COL4A2: variants seen among roughly 807,000 people sequenced by gnomAD.
COL4A2 encodes collagen type IV alpha 2 chain.
In COL4A2, 99 loss-of-function variants were observed where a neutral mutation model predicts 200.2. The observed-to-expected ratio is 0.49, with a 90% confidence interval of 0.42 to 0.58. The LOEUF (loss-of-function observed/expected upper bound fraction) is 0.58. COL4A2 is among the 20% of genes least tolerant of loss of function. The probability of loss-of-function intolerance (pLI) is 0.00; values close to 1 mark genes in which losing one functional copy is unlikely to be tolerated. For missense variants in COL4A2, 1,950 were observed against 2,314.1 expected (o/e 0.84, Z 3.23); for synonymous variants, 897 against 900.6 (o/e 1.00, Z 0.07).
chr13:110,358,170 C>A (rs540452930), intron 4 of COL4A2, among the ~76,000 whole-genome samples: 3 of 152,042 alleles, frequency 2.0e-5, no homozygotes, highest in African/African-American at 7.2e-5. Context: ...TCTTTTTCTA[C>A]GTTTTTATTC....
chr13:110,355,619 A>G (rs1055297755), intron 3 of COL4A2, among the ~76,000 whole-genome samples: 4 of 28,466 alleles, frequency 1.4e-4, no homozygotes, highest in African/African-American at 3.5e-4. Context: ...TGTGTGGGGG[A>G]GGGCTGCACT....
chr13:110,454,065 G>T (rs1049568582), intron 20 of COL4A2, among the ~76,000 whole-genome samples: 1 of 152,146 alleles, frequency 6.6e-6, no homozygotes, highest in Non-Finnish European at 1.5e-5. Flanking sequence ...ATCAAACCAC[G>T]AAGACAGTTT....
At chr13:110,461,489 G>T (rs1421758174) in intron 22 of COL4A2, among the ~76,000 whole-genome samples, 2 of 152,228 alleles carry the variant, frequency 1.3e-5, no homozygotes, top group Non-Finnish European at 2.9e-5. Context: ...ACCACCTGTG[G>T]CTACTTCCAC....
At chr13:110,413,148 A>G (rs1449334197) in intron 4 of COL4A2, among the ~76,000 whole-genome samples, 2 of 152,180 alleles carry the variant, frequency 1.3e-5, no homozygotes, top group East Asian at 3.9e-4. Context: ...GAAATTGGGA[A>G]GTCATTATAA....
chr13:110,347,351 T>A (rs1047195419), intron 3 of COL4A2, among the ~76,000 whole-genome samples: 3 of 152,152 alleles, frequency 2.0e-5, no homozygotes, highest in African/African-American at 7.2e-5. Context: ...GGGGGCTGAG[T>A]TACATCACCA....
intron 47 of COL4A2, among the ~76,000 whole-genome samples, chr13:110,510,743 C>G (rs1316995510): frequency 6.6e-6 from 1 of 152,232 alleles, no homozygotes; most frequent in Non-Finnish European, 1.5e-5. Flanking sequence ...CTGGTGCCAG[C>G]CTCTAAGACT....
chr13:110,457,491 A>G (rs1881812183), intron 21 of COL4A2, 56 bp downstream of exon 21: 1 of 1,023,362 alleles, frequency 9.8e-7, no homozygotes, highest in African/African-American at 1.6e-5. Context: ...CAAGTCCCTC[A>G]CCTTACAGAA....
At chr13:110,362,876 G>A (rs939584553) in intron 4 of COL4A2, among the ~76,000 whole-genome samples, 1 of 152,162 alleles carries the variant, frequency 6.6e-6, no homozygotes. Context: ...TCCAAGTAAG[G>A]TCAATTTTAG....
chr13:110,314,609 T>G (rs1673920562), intron 3 of COL4A2, among the ~76,000 whole-genome samples: 1 of 152,138 alleles, frequency 6.6e-6, no homozygotes, highest in Non-Finnish European at 1.5e-5. Context: ...TGGGGCCTCT[T>G]CTTCGCTGGG....
chr13:110,478,149 A>G lies in COL4A2; in HGVS notation c.2572A>G (p.Ile858Val), dbSNP rs766288416. Residue 858 changes from isoleucine to valine, a missense_variant, in exon 30 of 48, where the codon ATC becomes GTC. Ile to Val is a conservative substitution (Grantham distance 29, BLOSUM62 3). Coordinates refer to ENST00000360467, the MANE Select transcript of COL4A2 (RefSeq NM_001846.4). Reference sequence around the variant, plus strand: ...AGAGGGGCCCTTGGGGCTGCCAGGAATCCCAGGCCGTGAAGGTAAGACCCC... The same window carrying G: ...AGAGGGGCCCTTGGGGCTGCCAGGAGTCCCAGGCCGTGAAGGTAAGACCCC... Reference protein sequence around the residue: ...GQEGPLGLPGIPGREGLPGDR... With the variant: ...GQEGPLGLPGVPGREGLPGDR... 4.4e-6 allele frequency: 7 copies of G among 1,594,608 alleles called. No homozygotes were observed. Among genetic ancestry groups the G allele is most frequent in the Non-Finnish European group, 5.1e-6 (6 of 1,170,016 alleles).
chr13:110,447,466 C>T (rs924708945), intron 18 of COL4A2, among the ~76,000 whole-genome samples: 28 of 152,124 alleles, frequency 1.8e-4, no homozygotes, highest in African/African-American at 6.3e-4. Context: ...TATTAAGGCT[C>T]GGCTTCCAAA....
intron 3 of COL4A2, among the ~76,000 whole-genome samples, chr13:110,353,959 C>T (rs1877076641): frequency 6.6e-6 from 1 of 152,110 alleles, no homozygotes; most frequent in Non-Finnish European, 1.5e-5. Context: ...GTCCTAGTTC[C>T]AAAAGTAAGA....
chr13:110,309,980 G>A (rs1370221158), intron 3 of COL4A2, among the ~76,000 whole-genome samples: 1 of 152,146 alleles, frequency 6.6e-6, no homozygotes, highest in Admixed American at 6.5e-5. Context: ...GACGGAGCAA[G>A]ACTCTGTCTA....
At chr13:110,467,126 C>G in intron 27 of COL4A2, 30 bp downstream of exon 27, 1 of 1,613,480 alleles carries the variant, frequency 6.2e-7, no homozygotes, top group South Asian at 1.1e-5. Context: ...TGGAGTGCAC[C>G]CAGCCTTCCT....
chr13:110,313,220 C>T (rs9515187), intron 3 of COL4A2, among the ~76,000 whole-genome samples: 23,276 of 152,164 alleles, frequency 0.15, 2,089 homozygotes, highest in East Asian at 0.25. Flanking sequence ...CTGTTTCCCT[C>T]TGGTGCCCAC....
intron 3 of COL4A2, among the ~76,000 whole-genome samples, chr13:110,344,706 TGCTTTCTCCACA>T (rs1876622106): frequency 1.3e-5 from 2 of 152,212 alleles, no homozygotes; most frequent in South Asian, 4.1e-4. Flanking sequence ...TCCTTAGAAA[TGCTTTCTCCACA>T]GCTCTTCCCA....
At chr13:110,372,525 T>C (rs1054578132) in intron 4 of COL4A2, among the ~76,000 whole-genome samples, 9 of 152,234 alleles carry the variant, frequency 5.9e-5, no homozygotes, top group Non-Finnish European at 1.3e-4. Flanking sequence ...TCTGGAGACA[T>C]TTTACTCTTT....
chr13:110,429,067 A>G (rs1880580007), intron 7 of COL4A2: 1 of 152,710 alleles, frequency 6.5e-6, no homozygotes, highest in Admixed American at 6.5e-5. Flanking sequence ...ACATCCTGAA[A>G]TGTGTCTTCA....
intron 3 of COL4A2, among the ~76,000 whole-genome samples, chr13:110,343,237 C>A (rs1876540165): frequency 6.6e-6 from 1 of 152,110 alleles, no homozygotes. Flanking sequence ...GTTGAAATAT[C>A]CAGGTAGATA....
Sources: allele counts gnomAD v4.1 joint callset (sites outside exome capture counted in the v4.1 genomes callset), GRCh38; gene constraint gnomAD v4.1.1; transcripts MANE v1.5; gene names NCBI Gene and HGNC (gene_info 2026-07-23, HGNC 2026-07-21).